SLC8A1: variants seen among roughly 807,000 people sequenced by gnomAD.
SLC8A1 encodes sodium/calcium exchanger 1.
SLC8A1 carries 18 observed loss-of-function variants against 68.3 expected under a neutral mutation model. The observed-to-expected ratio is 0.26, with a 90% CI of 0.18 to 0.39. The LOEUF is 0.39. Among genes scored for constraint, SLC8A1 ranks in the 10% least tolerant of loss-of-function variants. SLC8A1 has a pLI of 1.00. For synonymous variants in SLC8A1, 475 were observed against 415.5 expected, an observed-to-expected ratio of 1.14 and a Z score of -1.74; for missense variants, 985 against 1,156.7, an observed-to-expected ratio of 0.85 and a Z score of 2.15.
rs193121211 is a variant in SLC8A1, at chr2:40,331,656, C to T, written c.1808+96817G>A. ...TCGCCCAGGCTAGGGTGCAATGGTGCGATCTCGGCTCACTGCAACCTCTGC... is the reference window on the plus strand; with the variant it reads ...TCGCCCAGGCTAGGGTGCAATGGTGTGATCTCGGCTCACTGCAACCTCTGC... On this transcript the variant is annotated intron_variant, in intron 2 of 7. Coordinates refer to ENST00000406785, the Ensembl canonical transcript of SLC8A1. Among the ~76,000 whole-genome samples the T allele has an allele frequency of 8.0e-4, 122 of 151,758 alleles. 1 individual carries two copies. Among genetic ancestry groups the T allele is most frequent in the South Asian group, 2.3e-3 (11 of 4,806 alleles).
At chr2:40,398,789 A>G (rs1283399594) in intron 2 of SLC8A1, among the ~76,000 whole-genome samples, 1 of 152,154 alleles carries the variant, frequency 6.6e-6, no homozygotes, top group African/African-American at 2.4e-5. Context: ...GTTATAAACT[A>G]TGCTAGGATG....
At chr2:40,107,850 T>C (rs2034312022) in exon 8 of SLC8A1, 1 of 152,250 alleles carries the variant, frequency 6.6e-6, no homozygotes, top group Non-Finnish European at 1.5e-5. Context: ...GATCCTCATA[T>C]AAACAGTTCT....
chr2:40,208,402 G>C (rs1208972367), intron 2 of SLC8A1: 1 of 152,108 alleles, frequency 6.6e-6, no homozygotes, highest in Non-Finnish European at 1.5e-5. Flanking sequence ...TAAATCACTG[G>C]AGAGTCAATC....
chr2:40,187,983 T>G (rs1376869080), intron 2 of SLC8A1, among the ~76,000 whole-genome samples: 1 of 152,162 alleles, frequency 6.6e-6, no homozygotes, highest in Non-Finnish European at 1.5e-5. Context: ...GGTAAAGCAA[T>G]AAGGACCTGG....
intron 1 of SLC8A1, among the ~76,000 whole-genome samples, chr2:40,500,452 CTAGAG>C (rs1157023781): frequency 6.6e-6 from 1 of 152,076 alleles, no homozygotes; most frequent in African/African-American, 2.4e-5. Context: ...ATAAATTCCC[CTAGAG>C]TAAATTTATC....
chr2:40,138,404 A>G (rs901922289), intron 7 of SLC8A1, among the ~76,000 whole-genome samples: 6 of 152,148 alleles, frequency 3.9e-5, no homozygotes, highest in African/African-American at 7.2e-5. Flanking sequence ...GCACAGCTGT[A>G]TTTGCTTCTA....
intron 2 of SLC8A1, among the ~76,000 whole-genome samples, chr2:40,219,579 G>C (rs376288218): frequency 4.8e-4 from 73 of 152,276 alleles, no homozygotes; most frequent in African/African-American, 1.7e-3. Flanking sequence ...ATACTATCTG[G>C]TATATAAGAA....
At chr2:40,360,272 G>C (rs928664563) in intron 2 of SLC8A1, among the ~76,000 whole-genome samples, 10 of 152,238 alleles carry the variant, frequency 6.6e-5, no homozygotes, top group African/African-American at 2.4e-4. Context: ...GCTCCCAAGA[G>C]GTAGAGCCAA....
chr2:40,219,119 C>G (rs1641455), intron 2 of SLC8A1, among the ~76,000 whole-genome samples: 91,485 of 151,872 alleles, frequency 0.6, 28,289 homozygotes, highest in Middle Eastern at 0.78. Context: ...TTCTCCTAAT[C>G]TTGGGGAACC....
exon 8 of SLC8A1, chr2:40,105,747 GA>G (rs11354063): frequency 0.17 from 25,102 of 151,980 alleles, 2,570 homozygotes; most frequent in East Asian, 0.53. Context: ...ACAGCTGAAA[GA>G]AAAAAAATAC....
intron 2 of SLC8A1, among the ~76,000 whole-genome samples, chr2:40,260,460 G>A (rs2064543917): frequency 6.6e-6 from 1 of 152,064 alleles, no homozygotes; most frequent in African/African-American, 2.4e-5. Context: ...GATTGACTTA[G>A]GCTGATCAGA....
chr2:40,296,049 T>G (rs2070320377), intron 2 of SLC8A1, among the ~76,000 whole-genome samples: 1 of 152,194 alleles, frequency 6.6e-6, no homozygotes, highest in African/African-American at 2.4e-5. Flanking sequence ...AGCTTGTTAT[T>G]GCTCTTGGGT....
At chr2:40,200,606 G>A (rs934932123) in intron 2 of SLC8A1, among the ~76,000 whole-genome samples, 1 of 151,416 alleles carries the variant, frequency 6.6e-6, no homozygotes, top group African/African-American at 2.4e-5. Flanking sequence ...TCACCTCTGT[G>A]GCCTTGATGG....
chr2:40,214,524 C>A (rs969706280), intron 2 of SLC8A1, among the ~76,000 whole-genome samples: 3 of 151,662 alleles, frequency 2.0e-5, no homozygotes, highest in Non-Finnish European at 2.9e-5. Context: ...CTCACTGCAA[C>A]CTCCGCCTCC....
At chr2:40,401,060 A>T (rs905710450) in intron 2 of SLC8A1, among the ~76,000 whole-genome samples, 10 of 152,296 alleles carry the variant, frequency 6.6e-5, no homozygotes, top group Middle Eastern at 3.4e-3. Context: ...ATCATAGGTC[A>T]CTGTGAGGTG....
At chr2:40,267,977 C>T (rs573596586) in intron 2 of SLC8A1, among the ~76,000 whole-genome samples, 56 of 152,258 alleles carry the variant, frequency 3.7e-4, no homozygotes, top group South Asian at 2.1e-3. Flanking sequence ...ATCTCTCGGA[C>T]AGTGGGATGA....
intron 2 of SLC8A1, among the ~76,000 whole-genome samples, chr2:40,379,626 T>C (rs1430801660): frequency 6.6e-6 from 1 of 151,434 alleles, no homozygotes; most frequent in Admixed American, 6.6e-5. Context: ...AATGTTTCCA[T>C]AGCCTTCATG....
intron 2 of SLC8A1, among the ~76,000 whole-genome samples, chr2:40,233,864 C>A (rs1350433735): frequency 6.6e-6 from 1 of 151,626 alleles, no homozygotes; most frequent in African/African-American, 2.4e-5. Flanking sequence ...ATCCTTTCCC[C>A]ATTGCTTGTT....
chr2:40,114,838 G>A (rs1293898607), exon 8 of SLC8A1: 1 of 152,390 alleles, frequency 6.6e-6, no homozygotes, highest in Admixed American at 6.6e-5. Context: ...TTTACATTTG[G>A]ATGGTTTCAC....
Sources: gnomAD v4.1 joint callset for allele counts (sites outside exome capture counted in the v4.1 genomes callset) on GRCh38, gnomAD v4.1.1 for gene constraint, MANE v1.5 for transcripts, NCBI Gene and HGNC (gene_info 2026-07-23, HGNC 2026-07-21) for gene names.